Variants in EDN2 observed in about 807,000 individuals in gnomAD.
EDN2 encodes endothelin 2, also known as endothelin-2.
EDN2 carries 10 observed loss-of-function variants against 19.9 expected under a neutral mutation model. The observed-to-expected ratio is 0.50, with a 90% CI of 0.31 to 0.85. The LOEUF (loss-of-function observed/expected upper bound fraction) is 0.85, where lower values mean the gene tolerates loss of function less well. Ranked by LOEUF, EDN2 falls within the 40% of genes least tolerant of loss-of-function variation. The pLI is 0.05. For synonymous variants in EDN2, 84 were observed against 94.9 expected, an observed-to-expected ratio of 0.89 and a Z score of 0.67; for missense variants, 222 against 239.3, an observed-to-expected ratio of 0.93 and a Z score of 0.48.
chr1:41,479,297 T>C lies in EDN2; in HGVS notation c.*112A>G. 1.1e-6 allele frequency: 1 copy of C among 952,122 alleles called. No individual in the cohort carries two copies. Among genetic ancestry groups the C allele is most frequent in the Non-Finnish European group, 1.7e-6 (1 of 603,098 alleles). The allele number at this position is 952,122 out of a possible 1,614,324, so 59.0% of individuals were successfully genotyped here. ...ATCCTGGCAAATGGGTCCAGCTGTC[T>C]GGGACCAAGGCCCCGGTCCAGGAAG... On this transcript the variant is annotated 3_prime_UTR_variant, in exon 5 of 5. Transcript: ENST00000372587.
At chr1:41,482,142 C>T (rs1365078292) in intron 3 of EDN2, among the ~76,000 whole-genome samples, 3 of 152,274 alleles carry the variant, frequency 2.0e-5, no homozygotes, top group Admixed American at 6.5e-5. Flanking sequence ...CTCCTTCTGA[C>T]AAGCTATGCA....
In EDN2 at chr1:41,479,219, C is replaced by T. The variant is rs976608768; in HGVS notation, c.*190G>A. The T allele has an allele frequency of 1.7e-5, 12 of 687,524 alleles. No individual in the cohort carries two copies. The highest frequency in any genetic ancestry group is 2.4e-4 in the Middle Eastern group (1 of 4,242). The allele number at this position is 687,524 out of a possible 1,614,324, so 42.6% of individuals were successfully genotyped here. A position where few individuals can be genotyped will look rare whatever the true frequency, so the allele number is the denominator to read the frequency against. On this transcript the variant is annotated 3_prime_UTR_variant, in exon 5 of 5. Transcript: ENST00000372587. ...AGGCCGAGGGCTTCCCTGGGCAGTG[C>T]GAGGACACAGAACTGCCTTGGACGA...
intron 4 of EDN2, 68 bp from the exon 5 acceptor site, chr1:41,479,570 G>A (rs1644229989): frequency 7.1e-7 from 1 of 1,402,190 alleles, no homozygotes; most frequent in South Asian, 1.2e-5. Flanking sequence ...CCCCATGAGA[G>A]CAGGGGCAAT....
rs1160183209 is a variant in EDN2 at position 41,484,597 on chromosome 1, A to T, written c.5T>A (p.Val2Asp). 6.4e-7 allele frequency: 1 copy of T among 1,559,342 alleles called. No homozygotes were observed. The highest frequency in any genetic ancestry group is 8.7e-7 in the Non-Finnish European group (1 of 1,151,750). Residue 2 changes from valine to aspartate, a missense_variant, in exon 1 of 5, where the codon GTC becomes GAC. Coordinates refer to ENST00000372587, the MANE Select transcript of EDN2 (RefSeq NM_001956.5). The stretch of plus-strand genomic sequence containing the variant: ...GGAGCACCAGGTGGTAGGCACGGAG[A>T]CCATAGCGGCGGTGGAGCGCGCAGG... The part of the protein sequence containing the change: M[V>D]SVPTTWCSVA...
At chr1:41,484,291 C>T in intron 1 of EDN2, 88 bp from the exon 2 acceptor site, 1 of 1,492,588 alleles carries the variant, frequency 6.7e-7, no homozygotes. Context: ...TGCCCCTCCT[C>T]TTGCATAATC....
intron 3 of EDN2, 108 bp downstream of exon 3, chr1:41,482,358 C>A: frequency 7.5e-7 from 1 of 1,341,358 alleles, no homozygotes; most frequent in Non-Finnish European, 9.6e-7. Context: ...CGCTTCTCAC[C>A]CCCAACTTGC....
intron 3 of EDN2, 47 bp downstream of exon 3, chr1:41,482,419 C>T (rs11572355): frequency 3.5e-5 from 54 of 1,533,022 alleles, no homozygotes; most frequent in Admixed American, 1.2e-4. Context: ...AGGGCATGCC[C>T]GGGCTTGCAG....
chr1:41,480,096 A>G (rs981069089), intron 4 of EDN2, among the ~76,000 whole-genome samples: 2 of 152,228 alleles, frequency 1.3e-5, no homozygotes, highest in Non-Finnish European at 2.9e-5. Context: ...TTGTAAAACA[A>G]AAACAGGCCT....
Position 41,484,036 on chromosome 1 carries a change from T to C in EDN2, c.221+11A>G, listed in dbSNP as rs949998192. The stretch of plus-strand genomic sequence containing the variant: ...GAGCTCCCCCTGCCCCCAATCCCCA[T>C]GGATGCTCACTCAGGAGTGTTCACC... On this transcript the variant is annotated intron_variant, in intron 2 of 4. Transcript: ENST00000372587. The C allele has an allele frequency of 6.4e-7, 1 of 1,559,386 alleles. No homozygotes were observed. The highest frequency in any genetic ancestry group is 1.4e-5 in the African/African-American group (1 of 73,686).
chr1:41,480,115 G>A (rs533243741), intron 4 of EDN2, among the ~76,000 whole-genome samples: 7 of 152,334 alleles, frequency 4.6e-5, no homozygotes, highest in African/African-American at 7.2e-5. Context: ...CTGAACTGCT[G>A]AGAATGAGTA....
At chr1:41,480,232 G>A (rs923267997) in intron 4 of EDN2, among the ~76,000 whole-genome samples, 1 of 152,132 alleles carries the variant, frequency 6.6e-6, no homozygotes, top group Non-Finnish European at 1.5e-5. Context: ...GTTGGGTCCC[G>A]TCCATCCCAC....
chr1:41,479,588 C>T, intron 4 of EDN2, 86 bp from the exon 5 acceptor site: 6 of 1,187,256 alleles, frequency 5.1e-6, no homozygotes, highest in East Asian at 2.4e-5. Flanking sequence ...AATGGGGCTA[C>T]AGCCCTTGCC....
At position 41,482,520 on chromosome 1, in the gene EDN2, T is replaced by G. The variant is rs1161877324; in HGVS notation, c.290A>C (p.Gln97Pro). 6.3e-7 allele frequency: 1 copy of G among 1,595,248 alleles called. No homozygotes were observed. Among genetic ancestry groups the G allele is most frequent in the Non-Finnish European group, 8.5e-7 (1 of 1,172,322 alleles). Reference sequence around the variant, plus strand: ...GGCGGGGTCCCTGGCACTGGAGCACTGACAGCGCCTTGGCAGGGAGCGGCG... The same window carrying G: ...GGCGGGGTCCCTGGCACTGGAGCACGGACAGCGCCTTGGCAGGGAGCGGCG... ...RRRRSLPRRCQCSSARDPACA... is the reference protein window; with the variant it reads ...RRRRSLPRRCPCSSARDPACA... The change falls in exon 3 of 5, where the codon CAG becomes CCG. Residue 97 changes from glutamine (Q) to proline (P), a missense_variant. Transcript: ENST00000372587.
In EDN2 at chr1:41,482,531, T is replaced by G; in HGVS notation, c.279A>C (p.Pro93=). 1.9e-6 allele frequency: 3 copies of G among 1,592,194 alleles called. No individual in the cohort carries two copies. Among genetic ancestry groups the G allele is most frequent in the Non-Finnish European group, 2.6e-6 (3 of 1,171,214 alleles). The change falls in exon 3 of 5, where the codon CCA becomes CCC. Residue 93 remains proline, a synonymous_variant. Transcript: ENST00000372587. ...TGGCACTGGAGCACTGACAGCGCCT[T>G]GGCAGGGAGCGGCGCCGGCGTCTTG... The part of the protein sequence containing the change: ...NPPRRRRRSL[P]RRCQCSSARD...
At chr1:41,484,498 C>T (rs1336556700) in intron 1 of EDN2, 40 bp downstream of exon 1, 1 of 1,550,288 alleles carries the variant, frequency 6.5e-7, no homozygotes, top group East Asian at 2.4e-5. Context: ...ATAGGCAGAC[C>T]CAGGAGCTGT....
intron 3 of EDN2, among the ~76,000 whole-genome samples, 173 bp from the exon 4 acceptor site, chr1:41,481,366 T>C (rs1644246158): frequency 6.6e-6 from 1 of 152,098 alleles, no homozygotes. Context: ...GGGTGGGGAC[T>C]GAGGAAAACT....
rs770501649 is a variant in EDN2, at chr1:41,484,215, G to A, written c.65-12C>T. 1 of 1,610,080 alleles carries A rather than the reference G, an allele frequency of 6.2e-7. No homozygotes were observed. ...AGCCTGGCCCTTCCCTGCATGCACA[G>A]GAGGGAGAGAGAGGTGGAGAGGTGG... On this transcript the variant is annotated splice_polypyrimidine_tract_variant and intron_variant, in intron 1 of 4. Coordinates refer to ENST00000372587, the MANE Select transcript of EDN2 (RefSeq NM_001956.5).
At chr1:41,484,026 C>T in intron 2 of EDN2, 21 bp downstream of exon 2, 1 of 1,575,942 alleles carries the variant, frequency 6.3e-7, no homozygotes, top group African/African-American at 1.3e-5. Flanking sequence ...CCCCCTGCCC[C>T]CAATCCCCAT....
intron 3 of EDN2, among the ~76,000 whole-genome samples, chr1:41,481,990 G>A (rs914998640): frequency 6.6e-6 from 1 of 152,184 alleles, no homozygotes; most frequent in Non-Finnish European, 1.5e-5. Context: ...CAACTCTGGG[G>A]CCACCCTGGG....
Sources: gnomAD v4.1 joint callset for allele counts (sites outside exome capture counted in the v4.1 genomes callset) on GRCh38, gnomAD v4.1.1 for gene constraint, MANE v1.5 for transcripts, NCBI Gene and HGNC (gene_info 2026-07-23, HGNC 2026-07-21) for gene names.